CUX1: variants seen among roughly 807,000 people sequenced by gnomAD.
CUX1 encodes the protein cut like homeobox 1.
CUX1 carries 31 observed loss-of-function variants against 158.8 expected under a neutral mutation model. That is an observed-to-expected ratio of 0.20 (90% CI 0.15 to 0.26). CUX1 has a LOEUF of 0.26. Among genes scored for constraint, CUX1 ranks in the 10% least tolerant of loss-of-function variants. The pLI is 1.00. For synonymous variants in CUX1, 879 were observed against 862.1 expected, an observed-to-expected ratio of 1.02 and a Z score of -0.34; for missense variants, 1,589 against 2,014.6, an observed-to-expected ratio of 0.79 and a Z score of 4.04.
Position 102,147,655 on chromosome 7 carries a change from G to A in CUX1, c.675-10905G>A, listed in dbSNP as rs1462376270. ...CCTTTAGAATACTAGCCAGTGAATG[G>A]CTGTCTGTCAAGAAGACAGGGGACC... On this transcript the variant is annotated intron_variant, in intron 8 of 23. Transcript: ENST00000292535. Among the ~76,000 whole-genome samples, 4 of 152,174 alleles carry A rather than the reference G, an allele frequency of 2.6e-5. No individual in the cohort carries two copies. In the South Asian group the frequency reaches 6.2e-4, roughly 24 times the overall value.
At chr7:101,904,069 G>A (rs1802464936) in intron 1 of CUX1, among the ~76,000 whole-genome samples, 1 of 151,840 alleles carries the variant, frequency 6.6e-6, no homozygotes, top group African/African-American at 2.4e-5. Flanking sequence ...GAGGTGGGGG[G>A]CGGTCACTTG....
rs369163250 is a variant in CUX1 at position 102,132,308 on chromosome 7, TGC to T, written c.674+17050_674+17051del. Among the ~76,000 whole-genome samples, 219 of 57,042 alleles carry T rather than the reference TGC, an allele frequency of 3.8e-3. 5 individuals are homozygous for T. In the East Asian group the frequency reaches 0.1, roughly 27 times the overall value. The allele number at this position is 57,042 out of a possible 152,430, so 37.4% of individuals were successfully genotyped here. ...GAGAGAGAGAGTGTGTGTGTGTGTG[TGC>T]GCGCGCGCGCGCGCACGCCACGCAC... On this transcript the variant is annotated intron_variant, in intron 8 of 23. Coordinates refer to ENST00000292535, the MANE Select transcript of CUX1 (RefSeq NM_181552.4).
At chr7:102,030,129 A>G (rs947943499) in intron 3 of CUX1, among the ~76,000 whole-genome samples, 1 of 151,936 alleles carries the variant, frequency 6.6e-6, no homozygotes, top group Non-Finnish European at 1.5e-5. Flanking sequence ...CTCCTGCCTC[A>G]GCCTCCCAAG....
intron 8 of CUX1, among the ~76,000 whole-genome samples, chr7:102,126,496 T>C (rs1178717731): frequency 6.6e-6 from 1 of 152,206 alleles, no homozygotes; most frequent in African/African-American, 2.4e-5. Flanking sequence ...AGTCTTTTTT[T>C]CTATACAGAT....
intron 2 of CUX1, among the ~76,000 whole-genome samples, chr7:102,010,330 G>A (rs1196018629): frequency 6.7e-6 from 1 of 148,826 alleles, no homozygotes; most frequent in Non-Finnish European, 1.5e-5. Flanking sequence ...AGAGGTGGAG[G>A]TTGCAGTGAG....
chr7:102,279,825 C>T (rs1791919144), intron 18 of CUX1, among the ~76,000 whole-genome samples: 1 of 152,228 alleles, frequency 6.6e-6, no homozygotes, highest in Non-Finnish European at 1.5e-5. Context: ...GTGGCCCTGA[C>T]CCCATGGGTA....
At chr7:101,851,238 T>C (rs1796232968) in intron 1 of CUX1, among the ~76,000 whole-genome samples, 1 of 152,236 alleles carries the variant, frequency 6.6e-6, no homozygotes, top group Admixed American at 6.5e-5. Flanking sequence ...TGTACACTAC[T>C]TAATGTATGC....
chr7:102,082,872 G>A (rs1827580776), intron 4 of CUX1, among the ~76,000 whole-genome samples: 1 of 147,342 alleles, frequency 6.8e-6, no homozygotes, highest in Admixed American at 6.8e-5. Context: ...CAGACATTTG[G>A]TTGGTTGTGG....
intron 9 of CUX1, among the ~76,000 whole-genome samples, chr7:102,164,903 G>C (rs1014255954): frequency 5.3e-5 from 8 of 152,126 alleles, no homozygotes; most frequent in South Asian, 2.1e-4. Context: ...GGCCAAGAAG[G>C]GGGTGGAAGA....
intron 4 of CUX1, among the ~76,000 whole-genome samples, chr7:102,072,898 T>C (rs1826282401): frequency 6.6e-6 from 1 of 152,182 alleles, no homozygotes; most frequent in Non-Finnish European, 1.5e-5. Context: ...ACCTGGGCTT[T>C]GAGAAATTTT....
chr7:101,820,235 C>A (rs1219811375), intron 1 of CUX1, among the ~76,000 whole-genome samples: 1 of 152,140 alleles, frequency 6.6e-6, no homozygotes, highest in Non-Finnish European at 1.5e-5. Context: ...CTGTAATGCC[C>A]CAGGAACGTC....
chr7:102,202,462 G>A (rs1189121155), intron 18 of CUX1, among the ~76,000 whole-genome samples: 2 of 152,128 alleles, frequency 1.3e-5, no homozygotes, highest in African/African-American at 2.4e-5. Flanking sequence ...CTCACTTGGC[G>A]CTGGGAAGTG....
At chr7:101,937,069 T>G (rs1039451542) in intron 2 of CUX1, among the ~76,000 whole-genome samples, 1 of 152,166 alleles carries the variant, frequency 6.6e-6, no homozygotes, top group African/African-American at 2.4e-5. Flanking sequence ...TCCCATGGCC[T>G]CCCTCTGTGT....
intron 2 of CUX1, among the ~76,000 whole-genome samples, chr7:101,952,298 T>C (rs1299767794): frequency 6.6e-5 from 10 of 152,154 alleles, no homozygotes; most frequent in Non-Finnish European, 1.5e-4. Flanking sequence ...GAGGATTGCT[T>C]GAGACCTGGA....
At chr7:102,262,636 A>G (rs995740886), downstream of CUX1, among the ~76,000 whole-genome samples, 1 of 152,126 alleles carries the variant, frequency 6.6e-6, no homozygotes, top group African/African-American at 2.4e-5. Flanking sequence ...CCTCTAACAC[A>G]CATGGCCTCT....
intron 1 of CUX1, among the ~76,000 whole-genome samples, chr7:101,868,043 C>G (rs535844862): frequency 1.3e-5 from 2 of 152,038 alleles, no homozygotes; most frequent in South Asian, 4.1e-4. Context: ...GATGAGGTCT[C>G]GCTATGTTAC....
intron 23 of CUX1, among the ~76,000 whole-genome samples, chr7:102,239,893 T>C (rs1162041552): frequency 6.6e-6 from 1 of 152,084 alleles, no homozygotes; most frequent in African/African-American, 2.4e-5. Flanking sequence ...ATTACAGGCA[T>C]GCACCACCAA....
At chr7:102,168,908 C>A (rs140952777) in intron 9 of CUX1, among the ~76,000 whole-genome samples, 5,018 of 121,872 alleles carry the variant, frequency 0.041, 365 homozygotes, top group African/African-American at 0.16. Context: ...CTTTTCTTTT[C>A]TTTTATTTTC....
chr7:101,830,014 G>C (rs1340751303), intron 1 of CUX1, among the ~76,000 whole-genome samples: 1 of 152,214 alleles, frequency 6.6e-6, no homozygotes, highest in African/African-American at 2.4e-5. Flanking sequence ...CCCTATCTGT[G>C]GGCGGTTCGG....
Sources: allele counts gnomAD v4.1 joint callset (sites outside exome capture counted in the v4.1 genomes callset), GRCh38; gene constraint gnomAD v4.1.1; transcripts MANE v1.5; gene names NCBI Gene and HGNC (gene_info 2026-07-23, HGNC 2026-07-21).